TTN: variants seen among roughly 807,000 people sequenced by gnomAD.
The protein encoded by TTN is connectin.
Under a neutral mutation model 3,223.0 loss-of-function variants are expected in TTN, and 1,525 were observed. That is an observed-to-expected ratio of 0.47 (90% CI 0.45 to 0.49). The LOEUF (loss-of-function observed/expected upper bound fraction) is 0.49. Ranked by LOEUF, TTN falls within the 20% of genes least tolerant of loss-of-function variation. The pLI, the probability that TTN is intolerant of heterozygous loss-of-function variation, is 0.00. For synonymous variants in TTN, 14,094 were observed against 15,161.0 expected (o/e 0.93, Z 5.17); for missense variants, 40,786 against 43,424.0 (o/e 0.94, Z 5.40).
intron 330 of TTN, chr2:178,556,478 G>T (rs954101234): frequency 4.6e-6 from 1 of 215,506 alleles, no homozygotes; most frequent in Non-Finnish European, 8.9e-6. Context: ...ACCAAAAAAT[G>T]AAGTCTCTGT....
rs1480885716 is a variant in TTN at position 178,730,627 on chromosome 2, A to G, written c.17906T>C (p.Phe5969Ser). ...ISASEKYKFSFHDNTAFLEIS... is the reference protein window; with the variant it reads ...ISASEKYKFSSHDNTAFLEIS... ...TTCCAAGAAGGCAGTATTGTCATGA[A>G]AAGAGAATTTGTACTTTTCACTAGC... Residue 5969 changes from phenylalanine (F) to serine (S), a missense_variant, in exon 61 of 363, where the codon TTT becomes TCT. Coordinates refer to ENST00000589042, the MANE Select transcript of TTN (RefSeq NM_001267550.2). 6.2e-7 allele frequency: 1 copy of G among 1,613,640 alleles called. No homozygotes were observed.
chr2:178,749,033 A>G, intron 47 of TTN: 2 of 1,612,516 alleles, frequency 1.2e-6, no homozygotes, highest in Non-Finnish European at 1.7e-6. Flanking sequence ...TCTATGCTTC[A>G]CCTTTTTCCC....
At position 178,774,101 on chromosome 2, in the gene TTN, A is replaced by C. The variant is rs2091912353; in HGVS notation, c.7067T>G (p.Ile2356Ser). ...TCKLKMKPRP[I>S]AILQGLSDQK... ...GTCACTAAGTCCTTGTAGGATAGCA[A>C]TGGGGCGGGCTGTGAAATATGGGGA... Residue 2356 changes from isoleucine (I) to serine (S), a missense_variant, in exon 31 of 363, where the codon ATT becomes AGT. Ile to Ser is a moderately radical substitution (Grantham distance 142). Transcript: ENST00000589042. 1.9e-6 allele frequency: 3 copies of C among 1,614,092 alleles called. No homozygotes were observed. Among genetic ancestry groups the C allele is most frequent in the Middle Eastern group, 3.3e-4 (2 of 6,058 alleles).
Position 178,587,334 on chromosome 2 carries a change from C to T in TTN, c.63877G>A (p.Asp21293Asn), listed in dbSNP as rs199505416. The T allele has an allele frequency of 1.1e-4, 182 of 1,612,702 alleles. No individual in the cohort carries two copies. The highest frequency in any genetic ancestry group is 1.4e-4 in the Non-Finnish European group (163 of 1,179,316). The change falls in exon 307 of 363, where the codon GAC becomes AAC. Residue 21293 changes from aspartate (D) to asparagine (N), a missense_variant. Transcript: ENST00000589042. ...CHVSWAPPEN[D>N]GGSQVTHYIV... ...TAATGTGTCACTTGGCTCCCACCGT[C>T]GTTTTCAGGAGGGGCCCAGGACACA...
Position 178,651,963 on chromosome 2 carries a change from G to T in TTN, c.39300C>A (p.Phe13100Leu). Residue 13100 changes from phenylalanine to leucine, a missense_variant, in exon 205 of 363, where the codon TTC becomes TTA. Coordinates refer to ENST00000589042, the MANE Select transcript of TTN (RefSeq NM_001267550.2). ...CTAGGGCAACTTCCTCAGGCTCCTCGAACACTTTAAAGACATGAGCTCATT... is the reference window on the plus strand; with the variant it reads ...CTAGGGCAACTTCCTCAGGCTCCTCTAACACTTTAAAGACATGAGCTCATT... ...PKPESPPPEV[F>L]EEPEEVALEE... 6.2e-7 allele frequency: 1 copy of T among 1,610,192 alleles called. No individual in the cohort carries two copies. Among genetic ancestry groups the T allele is most frequent in the Non-Finnish European group, 8.5e-7 (1 of 1,178,154 alleles).
In TTN at chr2:178,568,708, A is replaced by C. The variant is rs1415635107; in HGVS notation, c.77424T>G (p.Ser25808Arg). The C allele has an allele frequency of 6.2e-7, 1 of 1,613,208 alleles. No homozygotes were observed. Among genetic ancestry groups the C allele is most frequent in the Non-Finnish European group, 8.5e-7 (1 of 1,179,566 alleles). Residue 25808 changes from serine (S) to arginine (R), a missense_variant, in exon 326 of 363, where the codon AGT becomes AGG. Ser to Arg is a moderately radical substitution (Grantham distance 110, BLOSUM62 -1). Coordinates refer to ENST00000589042, the MANE Select transcript of TTN (RefSeq NM_001267550.2). ...PDVKPAFSSY[S>R]VQVGQDLKIE... ...TTTTCAAATCTTGGCCAACCTGTAC[A>C]CTGTAACTACTGAATGCAGGTTTTA...
In TTN at chr2:178,619,976, C is replaced by G; in HGVS notation, c.46429+12G>C. On this transcript the variant is annotated intron_variant, in intron 249 of 362. Transcript: ENST00000589042. ...TGGTAACATTAGAATTGTTTTTTCA[C>G]TTAATATGTACCTTCCACAAAAAGT... 6.2e-7 allele frequency: 1 copy of G among 1,602,006 alleles called. No homozygotes were observed.
intron 20 of TTN, among the ~76,000 whole-genome samples, 180 bp downstream of exon 20, chr2:178,782,032 G>C (rs747146486): frequency 4.0e-5 from 6 of 151,884 alleles, no homozygotes; most frequent in Non-Finnish European, 8.8e-5. Flanking sequence ...TTGTCACATA[G>C]CTTTATTTCT....
At chr2:178,755,726 G>A (rs1400902345) in intron 46 of TTN, among the ~76,000 whole-genome samples, 7 of 152,182 alleles carry the variant, frequency 4.6e-5, no homozygotes, top group Admixed American at 3.3e-4. Context: ...TTACAGGCAT[G>A]AGTCACTGTA....
Position 178,722,480 on chromosome 2 carries a change from A to G in TTN, c.22307T>C (p.Val7436Ala), listed in dbSNP as rs760391619. 10 of 1,613,356 alleles carry G rather than the reference A, an allele frequency of 6.2e-6. No individual in the cohort carries two copies. In the South Asian group the frequency reaches 1.1e-4, roughly 18 times the overall value. The change falls in exon 77 of 363, where the codon GTT becomes GCT. Residue 7436 changes from valine to alanine, a missense_variant. By Grantham distance (64) the Val-to-Ala change is moderately conservative. Transcript: ENST00000589042. The part of the protein sequence containing the change: ...KDIEQTVGLP[V>A]TLTCRLNGSA... ...GCCATTTAATCGACAAGTGAGTGTA[A>G]CAGGTAACCCCACAGTTTGTTCAAT... is the stretch of plus-strand genomic sequence containing the variant.
At position 178,562,533 on chromosome 2, in the gene TTN, G is replaced by A; in HGVS notation, c.83599C>T (p.Pro27867Ser). 3 of 1,610,376 alleles carry A rather than the reference G, an allele frequency of 1.9e-6. No homozygotes were observed. The highest frequency in any genetic ancestry group is 1.7e-4 in the Middle Eastern group (1 of 6,038). Reference protein sequence around the residue: ...PVKVSEPPLPPGRVTLVDVTR... With the variant: ...PVKVSEPPLPSGRVTLVDVTR... Reference sequence around the variant, plus strand: ...ACATCAACAAGAGTTACTCTTCCAGGTGGGAGGGGTGGTTCAGACACTTTA... The same window carrying A: ...ACATCAACAAGAGTTACTCTTCCAGATGGGAGGGGTGGTTCAGACACTTTA... The change falls in exon 326 of 363, where the codon CCT becomes TCT. Residue 27867 changes from proline (P) to serine (S), a missense_variant. Transcript: ENST00000589042.
rs72647864 is a variant in TTN, at chr2:178,783,097, G to C, written c.2842-33C>G. ...GAGGAGAAAAAATAAATAATGATAC[G>C]TGTGCATATTCATTAATCACTTCTG... On this transcript the variant is annotated intron_variant, in intron 17 of 362. Transcript: ENST00000589042. 23 of 1,605,736 alleles carry C rather than the reference G, an allele frequency of 1.4e-5. 1 individual carries two copies. In the Admixed American group the frequency reaches 3.5e-4, roughly 24 times the overall value.
In TTN at chr2:178,534,683, C is replaced by T. The variant is rs756665400; in HGVS notation, c.101932G>A (p.Ala33978Thr). 2 of 1,613,758 alleles carry T rather than the reference C, an allele frequency of 1.2e-6. No individual in the cohort carries two copies. Among genetic ancestry groups the T allele is most frequent in the Non-Finnish European group, 1.7e-6 (2 of 1,179,768 alleles). The change falls in exon 358 of 363, where the codon GCC becomes ACC. Residue 33978 changes from alanine to threonine, a missense_variant. Transcript: ENST00000589042. The stretch of plus-strand genomic sequence containing the variant: ...ACTTCAGGTGCATAGTATTCTGGGG[C>T]AGTGAATAGAAGCCTGAAGTTGTCC... ...PGDNFRLLFT[A>T]PEYYAPEVHQ...
Position 178,799,515 on chromosome 2 carries a change from C to A in TTN, c.886G>T (p.Val296Leu), listed in dbSNP as rs796106605. ...ACCGGAGATGGGGTCGGTGCCCGCA[C>A]GTGTCTGACCGGGGAAGGGGAGTGT... is the stretch of plus-strand genomic sequence containing the variant. ...IRHSPSPVRH[V>L]RAPTPSPVRS... The change falls in exon 6 of 363, where the codon GTG becomes TTG. Residue 296 changes from valine to leucine, a missense_variant. By Grantham distance (32) the Val-to-Leu change is conservative. Coordinates refer to ENST00000589042, the MANE Select transcript of TTN (RefSeq NM_001267550.2). 1.2e-6 allele frequency: 2 copies of A among 1,614,012 alleles called. No homozygotes were observed. The highest frequency in any genetic ancestry group is 1.3e-5 in the African/African-American group (1 of 74,922).
At position 178,678,059 on chromosome 2, in the gene TTN, T is replaced by A. The variant is rs1274395477; in HGVS notation, c.33994+66A>T. On this transcript the variant is annotated intron_variant, in intron 145 of 362. Coordinates refer to ENST00000589042, the MANE Select transcript of TTN (RefSeq NM_001267550.2). Reference sequence around the variant, plus strand: ...CATAAATACTAAGCATTAATTATAATTAGTAAGGCTGTATAACACCAGTTA... The same window carrying A: ...CATAAATACTAAGCATTAATTATAAATAGTAAGGCTGTATAACACCAGTTA... 4.5e-6 allele frequency: 7 copies of A among 1,560,622 alleles called. No homozygotes were observed. In the Admixed American group the frequency reaches 1.5e-4, roughly 33 times the overall value.
chr2:178,601,991 T>C lies in TTN; in HGVS notation c.55269+11A>G. On this transcript the variant is annotated intron_variant, in intron 284 of 362. Transcript: ENST00000589042. ...TCAGTGGAAAAAAGAGGAGAATGGT[T>C]ATTTTCCTACCTTCATTGCTTTCTT... 1 of 1,612,742 alleles carries C rather than the reference T, an allele frequency of 6.2e-7. No individual in the cohort carries two copies. Among genetic ancestry groups the C allele is most frequent in the Non-Finnish European group, 8.5e-7 (1 of 1,179,180 alleles).
At position 178,802,205 on chromosome 2, in the gene TTN, T is replaced by C. The variant is rs778413120; in HGVS notation, c.228A>G (p.Gly76=). The C allele has an allele frequency of 6.2e-7, 1 of 1,614,126 alleles. No homozygotes were observed. The highest frequency in any genetic ancestry group is 1.1e-5 in the South Asian group (1 of 91,072). ...TIPAVTKANS[G]RYSLKATNGS... is the part of the protein sequence containing the mutation. The stretch of plus-strand genomic sequence containing the variant: ...CATTGGTGGCTTTCAGGGAATATCG[T>C]CCACTGTTGGCTTTAGTCACGGCGG... The change falls in exon 3 of 363, where the codon GGA becomes GGG. Residue 76 remains glycine, a synonymous_variant. Coordinates refer to ENST00000589042, the MANE Select transcript of TTN (RefSeq NM_001267550.2).
At position 178,730,265 on chromosome 2, in the gene TTN, C is replaced by G. The variant is rs1463290209; in HGVS notation, c.18135G>C (p.Trp6045Cys). The G allele has an allele frequency of 6.2e-7, 1 of 1,613,140 alleles. No homozygotes were observed. Among genetic ancestry groups the G allele is most frequent in the Non-Finnish European group, 8.5e-7 (1 of 1,179,542 alleles). Residue 6045 changes from tryptophan (W) to cysteine (C), a missense_variant, in exon 62 of 363, where the codon TGG (tryptophan) becomes TGC (cysteine). By Grantham distance (215) the Trp-to-Cys change is radical. Coordinates refer to ENST00000589042, the MANE Select transcript of TTN (RefSeq NM_001267550.2). The stretch of plus-strand genomic sequence containing the variant: ...AGTGTAACTCTTTGTTATCTTTAAA[C>G]CACTTTATTGTCATGGGTGCAGTGC... ...VGGTAPMTIKWFKDNKELHSG... is the reference protein window; with the variant it reads ...VGGTAPMTIKCFKDNKELHSG...
chr2:178,615,864 C>T (rs1411583561), intron 257 of TTN, 76 bp from the exon 258 acceptor site: 8 of 1,480,666 alleles, frequency 5.4e-6, no homozygotes, highest in Non-Finnish European at 7.2e-6. Context: ...TTACCATGAC[C>T]AGGGATACAA....
Sources: allele counts gnomAD v4.1 joint callset (sites outside exome capture counted in the v4.1 genomes callset), GRCh38; gene constraint gnomAD v4.1.1; transcripts MANE v1.5; gene names NCBI Gene and HGNC (gene_info 2026-07-23, HGNC 2026-07-21).